The following RAVER2 variants were observed in gnomAD, a reference collection of about 807,000 sequenced individuals.
RAVER2 encodes ribonucleoprotein, PTB binding 2.
Under a neutral mutation model 78.1 loss-of-function variants are expected in RAVER2, and 46 were observed. The ratio of observed to expected loss-of-function variants is 0.59; its 90% CI spans 0.46 to 0.75. The LOEUF is 0.75. Among genes scored for constraint, RAVER2 ranks in the 30% least tolerant of loss-of-function variants. The probability of loss-of-function intolerance (pLI) is 0.00; values close to 1 mark genes in which losing one functional copy is unlikely to be tolerated. For missense variants in RAVER2, 793 were observed against 837.5 expected, an observed-to-expected ratio of 0.95 and a Z score of 0.66; for synonymous variants, 311 against 313.3, an observed-to-expected ratio of 0.99 and a Z score of 0.08.
At chr1:64,747,919 C>G (rs898760511) in intron 1 of RAVER2, among the ~76,000 whole-genome samples, 6 of 152,132 alleles carry the variant, frequency 3.9e-5, no homozygotes, top group South Asian at 4.1e-4. Flanking sequence ...CAATAACTTA[C>G]TAGTAGAAAC....
intron 11 of RAVER2, among the ~76,000 whole-genome samples, chr1:64,820,185 T>C (rs946504471): frequency 1.3e-5 from 2 of 152,084 alleles, no homozygotes; most frequent in Non-Finnish European, 2.9e-5. Flanking sequence ...ACAGCAACCA[T>C]TAAAAAATTA....
At chr1:64,782,028 C>T (rs775821335) in intron 4 of RAVER2, among the ~76,000 whole-genome samples, 4 of 152,092 alleles carry the variant, frequency 2.6e-5, no homozygotes, top group East Asian at 1.9e-4. Flanking sequence ...CTCAGTCTCC[C>T]GAGTAGCTGA....
chr1:64,815,643 C>G (rs1342148739), intron 11 of RAVER2: 1 of 152,168 alleles, frequency 6.6e-6, no homozygotes, highest in Non-Finnish European at 1.5e-5. Flanking sequence ...GTCTTGTCTC[C>G]ACTTTGATTT....
intron 5 of RAVER2, among the ~76,000 whole-genome samples, chr1:64,790,953 C>T (rs186045782): frequency 1.2e-3 from 184 of 152,238 alleles, no homozygotes; most frequent in African/African-American, 3.9e-3. Flanking sequence ...GACACAAGTT[C>T]GGGGGATTCT....
intron 1 of RAVER2, among the ~76,000 whole-genome samples, chr1:64,750,719 G>C (rs1651676277): frequency 2.0e-5 from 3 of 151,830 alleles, no homozygotes; most frequent in Admixed American, 2.0e-4. Context: ...GACAATATTG[G>C]GGTGTTTTCT....
chr1:64,769,368 C>T (rs1652256399), intron 2 of RAVER2, among the ~76,000 whole-genome samples: 1 of 152,028 alleles, frequency 6.6e-6, no homozygotes, highest in South Asian at 2.1e-4. Flanking sequence ...TCACTTTCTA[C>T]TACTCTGATT....
At chr1:64,795,135 A>G (rs1174474127) in intron 5 of RAVER2, among the ~76,000 whole-genome samples, 1 of 152,168 alleles carries the variant, frequency 6.6e-6, no homozygotes, top group East Asian at 1.9e-4. Flanking sequence ...ATGAGGCTAT[A>G]ACTAAACTGT....
At chr1:64,828,600 C>T (rs1654051653) in intron 11 of RAVER2, among the ~76,000 whole-genome samples, 1 of 151,652 alleles carries the variant, frequency 6.6e-6, no homozygotes, top group Admixed American at 6.6e-5. Context: ...TAGGGCGTAT[C>T]AGAAGAATTA....
intron 9 of RAVER2, among the ~76,000 whole-genome samples, chr1:64,809,430 T>G (rs1029732384): frequency 6.6e-6 from 1 of 152,002 alleles, no homozygotes; most frequent in African/African-American, 2.4e-5. Context: ...ATCTTTAATA[T>G]TGTGTTGGCC....
At chr1:64,798,084 C>A (rs1207601922) in intron 5 of RAVER2, among the ~76,000 whole-genome samples, 1 of 118,294 alleles carries the variant, frequency 8.5e-6, no homozygotes, top group Admixed American at 9.5e-5. Flanking sequence ...TCCCCCCACC[C>A]CACCACAGTC....
At chr1:64,752,405 A>G (rs1258728448) in intron 1 of RAVER2, among the ~76,000 whole-genome samples, 1 of 152,204 alleles carries the variant, frequency 6.6e-6, no homozygotes, top group Non-Finnish European at 1.5e-5. Context: ...CTTTGGGTCC[A>G]GGAGGAGTAC....
intron 1 of RAVER2, among the ~76,000 whole-genome samples, chr1:64,757,083 A>G (rs187633175): frequency 3.3e-5 from 5 of 152,208 alleles, no homozygotes; most frequent in African/African-American, 7.2e-5. Context: ...CCCATTCACT[A>G]TTCTTTGGAA....
chr1:64,768,548 A>C, intron 1 of RAVER2, 108 bp from the exon 2 acceptor site: 1 of 710,086 alleles, frequency 1.4e-6, no homozygotes, highest in South Asian at 1.6e-5. Context: ...TTTTTTTTAC[A>C]TGGGACATGG....
At chr1:64,821,013 A>G (rs929190018) in intron 11 of RAVER2, among the ~76,000 whole-genome samples, 1 of 151,872 alleles carries the variant, frequency 6.6e-6, no homozygotes, top group Non-Finnish European at 1.5e-5. Flanking sequence ...ACTAATTTAC[A>G]CTCCCACCAA....
chr1:64,778,349 C>T lies in RAVER2; in HGVS notation c.786+257C>T, dbSNP rs149235556. Among the ~76,000 whole-genome samples, 184 of 152,262 alleles carry T rather than the reference C, an allele frequency of 1.2e-3. 3 individuals are homozygous for T. Among genetic ancestry groups the T allele is most frequent in the Admixed American group, 9.5e-3 (145 of 15,286 alleles). On this transcript the variant is annotated intron_variant, in intron 3 of 11. Transcript: ENST00000294428. Reference sequence around the variant, plus strand: ...ACTCATTCACCTCATTCCATCCATTCGTCCCACCATTTTTCCATCAATCCA... The same window carrying T: ...ACTCATTCACCTCATTCCATCCATTTGTCCCACCATTTTTCCATCAATCCA...
rs1390505661 is a variant in RAVER2 at position 64,789,534 on chromosome 1, A to G, written c.1105+20A>G. On this transcript the variant is annotated intron_variant, in intron 5 of 11. Transcript: ENST00000294428. ...AACCAGGTATGGACCATGTATGTAT[A>G]CTGATTAATTAAAGAATGCTAGCAT... 7.0e-7 allele frequency: 1 copy of G among 1,429,134 alleles called. No homozygotes were observed. The highest frequency in any genetic ancestry group is 2.6e-5 in the East Asian group (1 of 38,314). The allele number at this position is 1,429,134 out of a possible 1,614,324, so 88.5% of individuals were successfully genotyped here.
chr1:64,788,531 C>T (rs1413401366), intron 4 of RAVER2, among the ~76,000 whole-genome samples: 1 of 148,126 alleles, frequency 6.8e-6, no homozygotes, highest in African/African-American at 2.5e-5. Context: ...CGGTGGCTCA[C>T]ACCTATAATC....
chr1:64,813,042 A>G (rs565851671), intron 10 of RAVER2, among the ~76,000 whole-genome samples, 193 bp downstream of exon 10: 6 of 152,358 alleles, frequency 3.9e-5, no homozygotes, highest in African/African-American at 9.6e-5. Flanking sequence ...TAAGGAAAAC[A>G]TTACAACTCA....
chr1:64,748,056 G>T (rs1651591867), intron 1 of RAVER2, among the ~76,000 whole-genome samples: 1 of 151,854 alleles, frequency 6.6e-6, no homozygotes, highest in African/African-American at 2.4e-5. Flanking sequence ...CAACTTTATA[G>T]TTCCTATAAT....
Sources: allele counts gnomAD v4.1 joint callset (sites outside exome capture counted in the v4.1 genomes callset), GRCh38; gene constraint gnomAD v4.1.1; transcripts MANE v1.5; gene names NCBI Gene and HGNC (gene_info 2026-07-23, HGNC 2026-07-21).